VPS8: variants seen among roughly 807,000 people sequenced by gnomAD.
VPS8 encodes vacuolar protein sorting-associated protein 8 homolog.
A neutral mutation model predicts 216.4 loss-of-function variants in VPS8; 129 were observed. That is an observed-to-expected ratio of 0.60 (90% CI 0.52 to 0.69). The LOEUF (loss-of-function observed/expected upper bound fraction) is 0.69. VPS8 is among the 30% of genes least tolerant of loss of function. The pLI, the probability that VPS8 is intolerant of heterozygous loss-of-function variation, is 0.00. For synonymous variants in VPS8, 571 were observed against 565.4 expected (o/e 1.01, Z -0.14); for missense variants, 1,531 against 1,683.5 (o/e 0.91, Z 1.59).
chr3:184,848,453 T>C (rs1034126885), intron 8 of VPS8, among the ~76,000 whole-genome samples: 12 of 152,102 alleles, frequency 7.9e-5, no homozygotes, highest in Non-Finnish European at 1.8e-4. Context: ...AATTCTAGGA[T>C]GAGACAGGTG....
At chr3:184,853,836 A>G (rs1397284744) in intron 11 of VPS8, 21 bp from the exon 12 acceptor site, 3 of 1,554,308 alleles carry the variant, frequency 1.9e-6, no homozygotes, top group Admixed American at 2.0e-5. Flanking sequence ...TTGATTCTGA[A>G]TTTTCAAATT....
At chr3:184,915,811 A>G (rs1400859818) in intron 28 of VPS8, among the ~76,000 whole-genome samples, 1 of 152,256 alleles carries the variant, frequency 6.6e-6, no homozygotes, top group Non-Finnish European at 1.5e-5. Context: ...TCTGTCTCAA[A>G]AAAAGAAAAA....
At chr3:184,835,312 C>A (rs919707582) in intron 5 of VPS8, among the ~76,000 whole-genome samples, 4 of 152,122 alleles carry the variant, frequency 2.6e-5, no homozygotes, top group Non-Finnish European at 5.9e-5. Flanking sequence ...GGCATTTATT[C>A]AAAATTGGGG....
At chr3:184,933,111 A>G (rs1325231190) in intron 34 of VPS8, among the ~76,000 whole-genome samples, 2 of 152,224 alleles carry the variant, frequency 1.3e-5, no homozygotes, top group Non-Finnish European at 2.9e-5. Flanking sequence ...ATTCTGATGT[A>G]TGCTAACTCA....
At chr3:184,942,393 T>C (rs1168803792) in intron 36 of VPS8, among the ~76,000 whole-genome samples, 1 of 152,218 alleles carries the variant, frequency 6.6e-6, no homozygotes, top group Non-Finnish European at 1.5e-5. Context: ...ATTCCTTTCC[T>C]GTCATATCAA....
chr3:184,862,837 G>C, intron 15 of VPS8, 60 bp from the exon 16 acceptor site: 1 of 1,539,934 alleles, frequency 6.5e-7, no homozygotes, highest in African/African-American at 1.4e-5. Context: ...CTTTCTTCTT[G>C]ACCCAAATGA....
intron 22 of VPS8, 106 bp downstream of exon 22, chr3:184,886,262 ATATT>A: frequency 9.5e-7 from 1 of 1,055,150 alleles, no homozygotes; most frequent in African/African-American, 1.6e-5. Context: ...AGATTTAAAA[ATATT>A]AATTTATAGA....
intron 42 of VPS8, among the ~76,000 whole-genome samples, chr3:184,984,183 C>CAAAAAAAAAAAAAAAAAAAAAAA (rs1453935100): frequency 0.033 from 94 of 2,886 alleles, 47 homozygotes; most frequent in Middle Eastern, 0.2. Flanking sequence ...GACTCCGTCT[C>CAAAAAAAAAAAAAAAAAAAAAAA]AAAAAAAAAA....
intron 35 of VPS8, 59 bp downstream of exon 35, chr3:184,936,394 C>A (rs1307399452): frequency 1.4e-6 from 2 of 1,414,104 alleles, no homozygotes; most frequent in African/African-American, 1.4e-5. Flanking sequence ...ATTATTAAAT[C>A]GTCACCTAAG....
chr3:184,943,807 C>T (rs1743158209), intron 36 of VPS8, among the ~76,000 whole-genome samples: 1 of 152,170 alleles, frequency 6.6e-6, no homozygotes, highest in Non-Finnish European at 1.5e-5. Context: ...TTTAATTTAA[C>T]ATTTACATGT....
intron 45 of VPS8, among the ~76,000 whole-genome samples, chr3:185,012,009 CAT>C (rs1424074458): frequency 6.6e-6 from 1 of 152,016 alleles, no homozygotes; most frequent in Non-Finnish European, 1.5e-5. Context: ...AGCTAAAAAA[CAT>C]ATCTAAAGTG....
chr3:184,854,839 TC>T (rs1724945630), intron 13 of VPS8, among the ~76,000 whole-genome samples: 1 of 152,048 alleles, frequency 6.6e-6, no homozygotes, highest in Admixed American at 6.6e-5. Flanking sequence ...ATCCCAGTTT[TC>T]CCTTTTTTTT....
chr3:184,864,851 C>G (rs1236778730), intron 16 of VPS8, among the ~76,000 whole-genome samples: 1 of 152,096 alleles, frequency 6.6e-6, no homozygotes, highest in African/African-American at 2.4e-5. Context: ...AGAAAAACAA[C>G]CTATAACAAG....
chr3:184,987,440 T>A (rs1358130812), intron 42 of VPS8, among the ~76,000 whole-genome samples: 3 of 151,854 alleles, frequency 2.0e-5, no homozygotes, highest in Admixed American at 6.6e-5. Context: ...ACTGTCCCTA[T>A]AGTTTTACCT....
intron 1 of VPS8, among the ~76,000 whole-genome samples, chr3:184,820,893 G>C (rs981531949): frequency 6.6e-5 from 10 of 152,172 alleles, no homozygotes; most frequent in African/African-American, 2.4e-4. Context: ...AAGTGTCTCT[G>C]TTGCTTTGGT....
At position 184,940,270 on chromosome 3, in the gene VPS8, T is replaced by TTTTA. The variant is rs142586532; in HGVS notation, c.3035+28_3035+29insTTAT. Reference sequence around the variant, plus strand: ...TATGTTGACAAACTTTAGTCTTTCATTATATATATATATATATATGAGAAA... The same window carrying TTTTA: ...TATGTTGACAAACTTTAGTCTTTCATTTTATATATATATATATATATATGAGAAA... On this transcript the variant is annotated intron_variant, in intron 36 of 47. Coordinates refer to ENST00000625842, the MANE Select transcript of VPS8 (RefSeq NM_001009921.3). 6.0e-5 allele frequency: 35 copies of TTTTA among 578,732 alleles called. 1 individual carries two copies. Among genetic ancestry groups the TTTTA allele is most frequent in the Admixed American group, 1.2e-4 (3 of 26,058 alleles). The allele number at this position is 578,732 out of a possible 1,614,324, so 35.8% of individuals were successfully genotyped here. A position where few individuals can be genotyped will look rare whatever the true frequency, so the allele number is the denominator to read the frequency against.
intron 23 of VPS8, among the ~76,000 whole-genome samples, chr3:184,895,592 C>T (rs1420367202): frequency 1.2e-5 from 1 of 82,038 alleles, no homozygotes; most frequent in Admixed American, 1.1e-4. Context: ...CCTCCTGCTC[C>T]TCCTCCTCCC....
At chr3:184,832,608 C>T (rs1032567515) in intron 3 of VPS8, 81 bp from the exon 4 acceptor site, 1 of 1,303,128 alleles carries the variant, frequency 7.7e-7, no homozygotes, top group African/African-American at 1.5e-5. Flanking sequence ...CTTGTGTGCT[C>T]TGGAGAAACC....
intron 15 of VPS8, among the ~76,000 whole-genome samples, chr3:184,860,411 A>ATGTATATATATGTATATATGTG (rs1560422753): frequency 6.6e-6 from 1 of 151,154 alleles, no homozygotes; most frequent in East Asian, 1.9e-4. Context: ...ATACGTATAT[A>ATGTATATATATGTATATATGTG]TGTATATATA....
Sources: allele counts gnomAD v4.1 joint callset (sites outside exome capture counted in the v4.1 genomes callset), GRCh38; gene constraint gnomAD v4.1.1; transcripts MANE v1.5; gene names NCBI Gene and HGNC (gene_info 2026-07-23, HGNC 2026-07-21).